Variants in PEX14 observed in about 807,000 individuals in gnomAD.
The protein encoded by PEX14 is peroxisomal biogenesis factor 14, also known as peroxisomal membrane protein PEX14.
A neutral mutation model predicts 49.5 loss-of-function variants in PEX14; 15 were observed. The ratio of observed to expected loss-of-function variants is 0.30; its 90% CI spans 0.20 to 0.47. PEX14 has a LOEUF of 0.47. Among genes scored for constraint, PEX14 ranks in the 20% least tolerant of loss-of-function variants. PEX14 has a pLI of 1.00. For synonymous variants in PEX14, 210 were observed against 212.7 expected (o/e 0.99, Z 0.11); for missense variants, 398 against 494.8 (o/e 0.80, Z 1.86).
intron 3 of PEX14, among the ~76,000 whole-genome samples, chr1:10,551,310 T>C (rs1293061230): frequency 6.6e-6 from 1 of 152,232 alleles, no homozygotes; most frequent in Non-Finnish European, 1.5e-5. Flanking sequence ...TGTGGAAATG[T>C]CCCTTTTTAT....
At chr1:10,572,307 G>A (rs544867301) in intron 3 of PEX14, among the ~76,000 whole-genome samples, 2 of 152,240 alleles carry the variant, frequency 1.3e-5, no homozygotes, top group South Asian at 4.1e-4. Context: ...ATACAAGTAA[G>A]GAGGATAAAT....
chr1:10,537,549 T>C (rs1183748438), intron 3 of PEX14, among the ~76,000 whole-genome samples: 1 of 152,094 alleles, frequency 6.6e-6, no homozygotes, highest in East Asian at 1.9e-4. Flanking sequence ...CTGAGCTGAT[T>C]ACCCGGGGTA....
At chr1:10,593,424 A>G (rs1640728152) in intron 3 of PEX14, among the ~76,000 whole-genome samples, 1 of 152,016 alleles carries the variant, frequency 6.6e-6, no homozygotes, top group Non-Finnish European at 1.5e-5. Context: ...CTGTTGTTTG[A>G]ACTTCCCTCA....
At chr1:10,568,336 C>A (rs1197544595) in intron 3 of PEX14, among the ~76,000 whole-genome samples, 5 of 110,470 alleles carry the variant, frequency 4.5e-5, no homozygotes, top group Non-Finnish European at 9.6e-5. Flanking sequence ...CCCCCCCCCC[C>A]CCACTCCCAC....
Position 10,495,852 on chromosome 1 carries a change from T to C in PEX14, c.84+531T>C, listed in dbSNP as rs756716396. On this transcript the variant is annotated intron_variant, in intron 2 of 8. Coordinates refer to ENST00000356607, the MANE Select transcript of PEX14 (RefSeq NM_004565.3). The surrounding 1 kb of genome is among the most constrained non-coding windows in gnomAD (Gnocchi z 4.2). ...AGGTAATTTTCTCTCCCAAGTGCTT[T>C]TCATTTGGTGGCCAGAGTCCCAGGC... Among the ~76,000 whole-genome samples, 1 of 152,196 alleles carries C rather than the reference T, an allele frequency of 6.6e-6. No homozygotes were observed. Among genetic ancestry groups the C allele is most frequent in the Non-Finnish European group, 1.5e-5 (1 of 68,024 alleles).
At chr1:10,592,686 A>C (rs1357686708) in intron 3 of PEX14, among the ~76,000 whole-genome samples, 4 of 152,242 alleles carry the variant, frequency 2.6e-5, no homozygotes, top group Non-Finnish European at 5.9e-5. Context: ...CTTGTGGAAT[A>C]ACCTATCAAA....
chr1:10,525,292 C>T (rs1464809386), intron 2 of PEX14, among the ~76,000 whole-genome samples: 1 of 151,892 alleles, frequency 6.6e-6, no homozygotes, highest in Non-Finnish European at 1.5e-5. Flanking sequence ...GTTTCACAGC[C>T]CTTATGTCAT....
intron 3 of PEX14, among the ~76,000 whole-genome samples, chr1:10,583,583 A>G (rs1263256559): frequency 6.6e-6 from 1 of 152,004 alleles, no homozygotes. Context: ...TTTAGGTACT[A>G]GGAACATAGC....
chr1:10,609,901 A>T (rs1441430823), intron 4 of PEX14, among the ~76,000 whole-genome samples: 1 of 151,874 alleles, frequency 6.6e-6, no homozygotes, highest in Non-Finnish European at 1.5e-5. Context: ...TAAATAAATA[A>T]ATAAAAATAA....
chr1:10,526,216 G>A (rs1016976615), intron 2 of PEX14, among the ~76,000 whole-genome samples: 21 of 148,732 alleles, frequency 1.4e-4, no homozygotes, highest in African/African-American at 4.4e-4. Context: ...CACTGCGCCC[G>A]GCTGATTTTT....
At chr1:10,619,884 C>T (rs1252052010) in intron 5 of PEX14, among the ~76,000 whole-genome samples, 2 of 151,486 alleles carry the variant, frequency 1.3e-5, no homozygotes, top group Admixed American at 1.3e-4. Context: ...GGCTGAGGAT[C>T]CTGACTTGAT....
Position 10,623,215 on chromosome 1 carries a change from G to A in PEX14, c.487+94G>A, listed in dbSNP as rs187275935. 5.2e-3 allele frequency: 4,109 copies of A among 789,932 alleles called. 22 individuals carry two copies. Among genetic ancestry groups the A allele is most frequent in the Non-Finnish European group, 7.5e-3 (3,391 of 451,708 alleles). The allele number at this position is 789,932 out of a possible 1,614,324, so 48.9% of individuals were successfully genotyped here. A position where few individuals can be genotyped will look rare whatever the true frequency, so the allele number is the denominator to read the frequency against. ...CCCTCTCCCTCTGTCTCCACTCTAT[G>A]TGGTGACTTCATTTATCTGCTCTGA... On this transcript the variant is annotated intron_variant, in intron 6 of 8. Coordinates refer to ENST00000356607, the MANE Select transcript of PEX14 (RefSeq NM_004565.3). This position sits in a 1 kb window ranked among gnomAD's most constrained non-coding sequence, Gnocchi z 4.4.
At chr1:10,505,471 C>A (rs1641766299) in intron 2 of PEX14, among the ~76,000 whole-genome samples, 1 of 152,054 alleles carries the variant, frequency 6.6e-6, no homozygotes, top group Non-Finnish European at 1.5e-5. Context: ...TTTTTTCCCC[C>A]CCTTTACCAT....
At chr1:10,587,162 A>G (rs1640517563) in intron 3 of PEX14, among the ~76,000 whole-genome samples, 1 of 152,180 alleles carries the variant, frequency 6.6e-6, no homozygotes, top group Non-Finnish European at 1.5e-5. Flanking sequence ...AAGTTTCCTT[A>G]AAATTATAAT....
At chr1:10,501,094 A>G (rs1326083931) in intron 2 of PEX14, among the ~76,000 whole-genome samples, 1 of 152,184 alleles carries the variant, frequency 6.6e-6, no homozygotes, top group Non-Finnish European at 1.5e-5. Flanking sequence ...CAGGAAAAAT[A>G]TATAAATATG....
chr1:10,567,505 A>AT (rs912313916), intron 3 of PEX14, among the ~76,000 whole-genome samples: 14 of 151,812 alleles, frequency 9.2e-5, no homozygotes, highest in South Asian at 2.1e-4. Flanking sequence ...AAAAATAAAG[A>AT]TTTTTTTTTA....
intron 1 of PEX14, among the ~76,000 whole-genome samples, chr1:10,481,117 C>CT (rs577625301): frequency 5.7e-4 from 81 of 141,280 alleles, no homozygotes; most frequent in African/African-American, 7.7e-4. Context: ...TCTCTTTAGT[C>CT]TTTTTTTTTT....
chr1:10,501,395 C>A (rs1167339774), intron 2 of PEX14, among the ~76,000 whole-genome samples: 2 of 152,100 alleles, frequency 1.3e-5, no homozygotes, highest in African/African-American at 4.8e-5. Flanking sequence ...GGCTCTGCCC[C>A]CCAGGGTTCA....
chr1:10,623,232 C>T lies in PEX14; in HGVS notation c.487+111C>T. The T allele has an allele frequency of 8.1e-6, 6 of 740,110 alleles. No homozygotes were observed. In the South Asian group the frequency reaches 8.9e-5, roughly 11 times the overall value. The allele number at this position is 740,110 out of a possible 1,614,324, so 45.8% of individuals were successfully genotyped here. Reference sequence around the variant, plus strand: ...CACTCTATGTGGTGACTTCATTTATCTGCTCTGAGAATCTGTTCACATTTG... The same window carrying T: ...CACTCTATGTGGTGACTTCATTTATTTGCTCTGAGAATCTGTTCACATTTG... On this transcript the variant is annotated intron_variant, in intron 6 of 8. Transcript: ENST00000356607. The surrounding 1 kb of genome is among the most constrained non-coding windows in gnomAD (Gnocchi z 4.4).
Sources: allele counts gnomAD v4.1 joint callset (sites outside exome capture counted in the v4.1 genomes callset), GRCh38; gene constraint gnomAD v4.1.1; non-coding constraint Gnocchi (gnomAD v3.1); transcripts MANE v1.5; gene names NCBI Gene and HGNC (gene_info 2026-07-23, HGNC 2026-07-21).